Variants in FCHSD1 observed in about 807,000 individuals in gnomAD.
FCHSD1 encodes the protein F-BAR and double SH3 domains protein 1.
FCHSD1 carries 109 observed loss-of-function variants against 101.3 expected under a neutral mutation model. The ratio of observed to expected loss-of-function variants is 1.08; its 90% CI spans 0.92 to 1.26. The LOEUF (loss-of-function observed/expected upper bound fraction) is 1.26, where lower values mean the gene tolerates loss of function less well. Ranked by LOEUF, FCHSD1 falls within the 50% of genes most tolerant of loss-of-function variation. The pLI, the probability that FCHSD1 is intolerant of heterozygous loss-of-function variation, is 0.00. For synonymous variants in FCHSD1, 291 were observed against 356.8 expected (o/e 0.82, Z 2.08); for missense variants, 820 against 895.8 (o/e 0.92, Z 1.08).
intron 2 of FCHSD1, 79 bp from the exon 3 acceptor site, chr5:141,650,483 T>C: frequency 6.3e-7 from 1 of 1,591,358 alleles, no homozygotes; most frequent in South Asian, 1.1e-5. Context: ...AGTCCTCTAC[T>C]CTGGGCAGGA....
At chr5:141,647,571 G>A (rs2099907811) in intron 8 of FCHSD1, 51 bp from the exon 9 acceptor site, 4 of 1,598,376 alleles carry the variant, frequency 2.5e-6, no homozygotes, top group Non-Finnish European at 8.5e-7. Flanking sequence ...GACCTCTACT[G>A]TAAAATAGGC....
chr5:141,649,662 G>T lies in FCHSD1; in HGVS notation c.234-126C>A. 1 of 1,351,104 alleles carries T rather than the reference G, an allele frequency of 7.4e-7. No homozygotes were observed. The highest frequency in any genetic ancestry group is 9.9e-7 in the Non-Finnish European group (1 of 1,010,802). The allele number at this position is 1,351,104 out of a possible 1,614,324, so 83.7% of individuals were successfully genotyped here. ...CTTTCCCATCCTCCCTTGTCTGGGA[G>T]CCCATCAATCGATCAGCCCATTAGC... On this transcript the variant is annotated intron_variant, in intron 4 of 19. Transcript: ENST00000435817. The surrounding 1 kb of genome is among the most constrained non-coding windows in gnomAD (Gnocchi z 4.1).
At chr5:141,642,838 C>G in intron 18 of FCHSD1, 163 bp downstream of exon 18, 1 of 618,748 alleles carries the variant, frequency 1.6e-6, no homozygotes, top group Non-Finnish European at 2.8e-6. Flanking sequence ...GATGACAGAG[C>G]GGGACCTGAA....
At chr5:141,645,676 T>TAGGCACAACTGTG in intron 13 of FCHSD1, 95 bp downstream of exon 13, 1 of 1,397,770 alleles carries the variant, frequency 7.2e-7, no homozygotes, top group East Asian at 2.4e-5. Flanking sequence ...CCCTTTGAGT[T>TAGGCACAACTGTG]AGGCACAACT....
Position 141,641,384 on chromosome 5 carries a change from G to T in FCHSD1, c.*114C>A. The T allele has an allele frequency of 1.0e-6, 1 of 1,004,190 alleles. No homozygotes were observed. Among genetic ancestry groups the T allele is most frequent in the South Asian group, 2.5e-5 (1 of 39,370 alleles). The allele number at this position is 1,004,190 out of a possible 1,614,324, so 62.2% of individuals were successfully genotyped here. ...GTTTCCACCCTTGGAGGTGAGGGTG[G>T]AAATAAGGGCGATTCCAGCTTTTGG... On this transcript the variant is annotated 3_prime_UTR_variant, in exon 20 of 20. Transcript: ENST00000435817.
chr5:141,639,655 G>A lies in FCHSD1; in HGVS notation c.*1843C>T. The A allele has an allele frequency of 1.3e-6, 2 of 1,593,776 alleles. No individual in the cohort carries two copies. Among genetic ancestry groups the A allele is most frequent in the South Asian group, 1.1e-5 (1 of 89,972 alleles). ...ACTGTGTTCTCTGTGGGCAGGTGGG[G>A]CAGGTGCTCCAGGGAAAGGGGGGCT... is the stretch of plus-strand genomic sequence containing the variant. On this transcript the variant is annotated 3_prime_UTR_variant, in exon 20 of 20. Transcript: ENST00000435817. This position sits in a 1 kb window ranked among gnomAD's most constrained non-coding sequence, Gnocchi z 4.4.
rs1268898577 is a variant in FCHSD1, at chr5:141,649,886, C to A, written c.233+1G>T. On this transcript the variant is annotated splice_donor_variant, in intron 4 of 19. Coordinates refer to ENST00000435817, the MANE Select transcript of FCHSD1 (RefSeq NM_033449.3). LOFTEE classifies it high-confidence loss of function. The surrounding 1 kb of genome is among the most constrained non-coding windows in gnomAD (Gnocchi z 4.1). ...TGGCCCTCCCCCTCCATAGGGCCCA[C>A]CTGCTGTCCATCTCACCGCTCCGGT... 2 of 1,549,198 alleles carry A rather than the reference C, an allele frequency of 1.3e-6. No homozygotes were observed. Among genetic ancestry groups the A allele is most frequent in the Non-Finnish European group, 1.7e-6 (2 of 1,146,888 alleles).
At position 141,640,033 on chromosome 5, in the gene FCHSD1, G is replaced by A; in HGVS notation, c.*1465C>T. On this transcript the variant is annotated 3_prime_UTR_variant, in exon 20 of 20. Coordinates refer to ENST00000435817, the MANE Select transcript of FCHSD1 (RefSeq NM_033449.3). ...GGACAGGACCCAGGGGGTGGTCAGG[G>A]GTCTGGGGGAGGGCAGCCCAAGGCA... 6.2e-7 allele frequency: 1 copy of A among 1,613,602 alleles called. No homozygotes were observed. The highest frequency in any genetic ancestry group is 8.5e-7 in the Non-Finnish European group (1 of 1,179,850).
At chr5:141,641,918 G>C (rs2099906949) in intron 18 of FCHSD1, 161 bp from the exon 19 acceptor site, 2 of 737,502 alleles carry the variant, frequency 2.7e-6, no homozygotes, top group South Asian at 3.4e-5. Flanking sequence ...AACATTTATT[G>C]GGCAACTGCT....
In FCHSD1 at chr5:141,639,704, G is replaced by A. The variant is rs2099906600; in HGVS notation, c.*1794C>T. ...CTGAGGTAGGGGGCCCAGTGATCAG[G>A]CACCTGATCCCAAAAGTGGGCCTTG... On this transcript the variant is annotated 3_prime_UTR_variant, in exon 20 of 20. Transcript: ENST00000435817. This position sits in a 1 kb window ranked among gnomAD's most constrained non-coding sequence, Gnocchi z 4.4. 2 of 1,516,584 alleles carry A rather than the reference G, an allele frequency of 1.3e-6. No individual in the cohort carries two copies. The highest frequency in any genetic ancestry group is 1.2e-5 in the South Asian group (1 of 82,252). The allele number at this position is 1,516,584 out of a possible 1,614,324, so 93.9% of individuals were successfully genotyped here.
chr5:141,645,010 C>G lies in FCHSD1; in HGVS notation c.1440+10G>C, dbSNP rs1373069684. On this transcript the variant is annotated intron_variant, in intron 14 of 19. Transcript: ENST00000435817. ...CCTTGCCCATCAGAGGTCCCCACCCCCATTCATACCTGATAGCGAAATACC... is the reference window on the plus strand; with the variant it reads ...CCTTGCCCATCAGAGGTCCCCACCCGCATTCATACCTGATAGCGAAATACC... 1 of 1,612,956 alleles carries G rather than the reference C, an allele frequency of 6.2e-7. No homozygotes were observed. Among genetic ancestry groups the G allele is most frequent in the African/African-American group, 1.3e-5 (1 of 74,916 alleles).
In FCHSD1 at chr5:141,639,813, A is replaced by T; in HGVS notation, c.*1685T>A. 7.4e-7 allele frequency: 1 copy of T among 1,349,866 alleles called. No homozygotes were observed. Among genetic ancestry groups the T allele is most frequent in the Non-Finnish European group, 1.0e-6 (1 of 956,118 alleles). The allele number at this position is 1,349,866 out of a possible 1,614,324, so 83.6% of individuals were successfully genotyped here. ...AATCTGAGAAGGCCTCCCCTACCTT[A>T]GGCCAGAGGGAAGTAGCCACCAAAC... is the stretch of plus-strand genomic sequence containing the variant. On this transcript the variant is annotated 3_prime_UTR_variant, in exon 20 of 20. Transcript: ENST00000435817. This position sits in a 1 kb window ranked among gnomAD's most constrained non-coding sequence, Gnocchi z 4.4.
At chr5:141,650,496 G>A in intron 2 of FCHSD1, 92 bp from the exon 3 acceptor site, 1 of 1,525,994 alleles carries the variant, frequency 6.6e-7, no homozygotes, top group Middle Eastern at 1.9e-4. Context: ...GGGCAGGAGG[G>A]AGCGGTTGGG....
rs6881321 is a variant in FCHSD1, at chr5:141,649,691, G to A, written c.234-155C>T. Among the ~76,000 whole-genome samples the A allele has an allele frequency of 0.013, 1,976 of 152,136 alleles. 37 individuals carry two copies. Among genetic ancestry groups the A allele is most frequent in the African/African-American group, 0.046 (1,898 of 41,470 alleles). On this transcript the variant is annotated intron_variant, in intron 4 of 19. Coordinates refer to ENST00000435817, the MANE Select transcript of FCHSD1 (RefSeq NM_033449.3). This position sits in a 1 kb window ranked among gnomAD's most constrained non-coding sequence, Gnocchi z 4.1. ...ATCAATCGATCAGCCCATTAGCTCAGCCACAAGCCTCACTCCTGCCCTCCA... is the reference window on the plus strand; with the variant it reads ...ATCAATCGATCAGCCCATTAGCTCAACCACAAGCCTCACTCCTGCCCTCCA...
In FCHSD1 at chr5:141,641,159, G is replaced by A. The variant is rs1442185991; in HGVS notation, c.*339C>T. 1.5e-5 allele frequency: 5 copies of A among 333,574 alleles called. No individual in the cohort carries two copies. Among genetic ancestry groups the A allele is most frequent in the African/African-American group, 1.1e-4 (5 of 47,370 alleles). 20.7% of individuals were successfully genotyped at this position (333,574 alleles called of 1,614,324 possible). On this transcript the variant is annotated 3_prime_UTR_variant, in exon 20 of 20. Coordinates refer to ENST00000435817, the MANE Select transcript of FCHSD1 (RefSeq NM_033449.3). ...TGACCCTGGCATCCAGAGTGGGGTG[G>A]GTCATGGAGCCAGGGTGGGGAAAGA...
At position 141,645,471 on chromosome 5, in the gene FCHSD1, C is replaced by G. The variant is rs889919708; in HGVS notation, c.1311+300G>C. ...CTTTATTTACAAGGAAACTGGGGTT[C>G]AGAAAGGTTAAGTCACTTTTCGAGA... On this transcript the variant is annotated intron_variant, in intron 13 of 19. Transcript: ENST00000435817. Among the ~76,000 whole-genome samples, 3 of 152,158 alleles carry G rather than the reference C, an allele frequency of 2.0e-5. No individual in the cohort carries two copies. The East Asian group carries it at 5.8e-4, about 29-fold the overall frequency.
chr5:141,643,813 A>G (rs2154598356), intron 17 of FCHSD1, among the ~76,000 whole-genome samples: 1 of 150,484 alleles, frequency 6.6e-6, no homozygotes, highest in South Asian at 2.1e-4. Context: ...GCACCATTGC[A>G]CTCCAGCCTG....
Position 141,640,395 on chromosome 5 carries a change from C to A in FCHSD1, c.*1103G>T. ...TACTCCTGGTCTCTCATTGTTGACC[C>A]CTCCCCTTTCTCTCAGGTGTCTCTA... is the stretch of plus-strand genomic sequence containing the variant. On this transcript the variant is annotated 3_prime_UTR_variant, in exon 20 of 20. Transcript: ENST00000435817. 6.2e-7 allele frequency: 1 copy of A among 1,614,186 alleles called. No individual in the cohort carries two copies. The highest frequency in any genetic ancestry group is 8.5e-7 in the Non-Finnish European group (1 of 1,180,012).
rs1314940397 is a variant in FCHSD1, at chr5:141,641,687, G to A, written c.2007+15C>T. 1 of 1,613,968 alleles carries A rather than the reference G, an allele frequency of 6.2e-7. No individual in the cohort carries two copies. The highest frequency in any genetic ancestry group is 1.3e-5 in the African/African-American group (1 of 75,048). On this transcript the variant is annotated intron_variant, in intron 19 of 19. Transcript: ENST00000435817. ...CCCCTCTACATACAATCTCCTCCAAGGCAAGGGCCCTTACCGGCCTGAGTC... is the reference window on the plus strand; with the variant it reads ...CCCCTCTACATACAATCTCCTCCAAAGCAAGGGCCCTTACCGGCCTGAGTC...
Sources: gnomAD v4.1 joint callset for allele counts (sites outside exome capture counted in the v4.1 genomes callset) on GRCh38, gnomAD v4.1.1 for gene constraint, Gnocchi (gnomAD v3.1) non-coding constraint, MANE v1.5 for transcripts, NCBI Gene and HGNC (gene_info 2026-07-23, HGNC 2026-07-21) for gene names.